The following MACROD2 variants were observed in gnomAD, a reference collection of about 807,000 sequenced individuals.
MACROD2 encodes mono-ADP ribosylhydrolase 2, also known as ADP-ribose glycohydrolase MACROD2.
In MACROD2, 36 loss-of-function variants were observed where a neutral mutation model predicts 70.4. The observed-to-expected ratio is 0.51, with a 90% CI of 0.39 to 0.68. The LOEUF (loss-of-function observed/expected upper bound fraction) is 0.68. Ranked by LOEUF, MACROD2 falls within the 30% of genes least tolerant of loss-of-function variation. MACROD2 has a pLI of 0.00. For synonymous variants in MACROD2, 172 were observed against 178.8 expected (o/e 0.96, Z 0.30); for missense variants, 496 against 538.4 (o/e 0.92, Z 0.78).
chr20:14,209,464 G>GA (rs995926099), intron 3 of MACROD2, among the ~76,000 whole-genome samples: 1 of 151,386 alleles, frequency 6.6e-6, no homozygotes, highest in Non-Finnish European at 1.5e-5. Context: ...AATGATGCTG[G>GA]AAAAAAAATA....
At chr20:15,653,215 CTCTT>C (rs774526340) in intron 8 of MACROD2, among the ~76,000 whole-genome samples, 3 of 152,320 alleles carry the variant, frequency 2.0e-5, no homozygotes, top group East Asian at 1.9e-4. Flanking sequence ...GATTAGCACT[CTCTT>C]TATTTGTGCA....
chr20:15,465,120 A>ATAT (rs1356219110), intron 7 of MACROD2, among the ~76,000 whole-genome samples: 2 of 152,220 alleles, frequency 1.3e-5, no homozygotes, highest in African/African-American at 4.8e-5. Context: ...TAGAGTCATA[A>ATAT]ATAAAGATAA....
intron 6 of MACROD2, among the ~76,000 whole-genome samples, chr20:15,279,791 C>G (rs2077426604): frequency 6.6e-6 from 1 of 151,922 alleles, no homozygotes; most frequent in Non-Finnish European, 1.5e-5. Context: ...TATGCCAGAC[C>G]CTATGCTAAG....
At chr20:15,934,936 G>A (rs1048204550) in intron 11 of MACROD2, among the ~76,000 whole-genome samples, 6 of 151,910 alleles carry the variant, frequency 3.9e-5, no homozygotes, top group African/African-American at 9.7e-5. Context: ...TGATCTGCCC[G>A]CCTAAGCCTC....
Position 14,789,942 on chromosome 20 carries a change from A to AT in MACROD2, c.418+104984dup, listed in dbSNP as rs537714801. On this transcript the variant is annotated intron_variant, in intron 5 of 17. Transcript: ENST00000684519. ...TGTAGTTTTGAAATAGGAAAACCATATAAAAATGAAATTTAGATTGCATTT... is the reference window on the plus strand; with the variant it reads ...TGTAGTTTTGAAATAGGAAAACCATATTAAAAATGAAATTTAGATTGCATTT... Among the ~76,000 whole-genome samples, 19 of 152,280 alleles carry AT rather than the reference A, an allele frequency of 1.2e-4. No homozygotes were observed. In the South Asian group the frequency reaches 3.9e-3, roughly 32 times the overall value.
At chr20:15,034,940 A>G (rs2075302255) in intron 5 of MACROD2, among the ~76,000 whole-genome samples, 1 of 152,182 alleles carries the variant, frequency 6.6e-6, no homozygotes, top group African/African-American at 2.4e-5. Flanking sequence ...CTTGTTTTAT[A>G]TCTTTAATTG....
At chr20:14,772,640 C>A (rs1455873370) in intron 5 of MACROD2, among the ~76,000 whole-genome samples, 1 of 152,026 alleles carries the variant, frequency 6.6e-6, no homozygotes, top group African/African-American at 2.4e-5. Flanking sequence ...ATGGGAGCTA[C>A]AAGATGAGAT....
chr20:14,748,534 C>T (rs2071829032), intron 5 of MACROD2, among the ~76,000 whole-genome samples: 1 of 151,918 alleles, frequency 6.6e-6, no homozygotes, highest in Non-Finnish European at 1.5e-5. Flanking sequence ...TAATGCATAC[C>T]TTTGACTATT....
chr20:14,284,185 GAT>G (rs140448388), intron 3 of MACROD2, among the ~76,000 whole-genome samples: 2,290 of 152,298 alleles, frequency 0.015, 23 homozygotes, highest in African/African-American at 0.027. Context: ...TGCTGTTACT[GAT>G]CAGGATAGGT....
chr20:15,727,308 TG>T (rs1200370869), intron 8 of MACROD2, among the ~76,000 whole-genome samples: 3 of 152,214 alleles, frequency 2.0e-5, no homozygotes, highest in Non-Finnish European at 2.9e-5. Context: ...GTTTCTATTT[TG>T]GTTCCAGTAC....
At chr20:16,030,950 T>C (rs117579755) in intron 15 of MACROD2, among the ~76,000 whole-genome samples, 2,500 of 152,282 alleles carry the variant, frequency 0.016, 35 homozygotes, top group Admixed American at 0.046. Context: ...AACACATCTT[T>C]GATAAGTTTA....
chr20:15,731,858 A>G (rs13040332), intron 8 of MACROD2, among the ~76,000 whole-genome samples: 1 of 55,760 alleles, frequency 1.8e-5, no homozygotes, highest in African/African-American at 5.1e-5. Flanking sequence ...TGGGTTCAAG[A>G]CATTCTCCTG....
chr20:15,858,865 C>T (rs1388608202), intron 8 of MACROD2, among the ~76,000 whole-genome samples: 1 of 152,112 alleles, frequency 6.6e-6, no homozygotes. Flanking sequence ...TCATAGGCTT[C>T]CCAGATTCAA....
At chr20:15,349,615 G>C (rs1253692588) in intron 6 of MACROD2, among the ~76,000 whole-genome samples, 2 of 151,988 alleles carry the variant, frequency 1.3e-5, no homozygotes, top group South Asian at 2.1e-4. Flanking sequence ...AATTAGCTGG[G>C]CATGGGGGCA....
intron 10 of MACROD2, among the ~76,000 whole-genome samples, chr20:15,896,092 T>C (rs1413043347): frequency 6.6e-6 from 1 of 152,246 alleles, no homozygotes; most frequent in Non-Finnish European, 1.5e-5. Context: ...GAGGGACAAA[T>C]TTTAATGCTG....
intron 8 of MACROD2, among the ~76,000 whole-genome samples, chr20:15,747,233 A>C (rs1470386963): frequency 1.3e-5 from 2 of 152,124 alleles, no homozygotes; most frequent in African/African-American, 4.8e-5. Flanking sequence ...AGGTACCAGG[A>C]CTAAGAATGC....
chr20:14,716,749 A>T (rs527832638), intron 5 of MACROD2, among the ~76,000 whole-genome samples: 1 of 152,168 alleles, frequency 6.6e-6, no homozygotes, highest in Admixed American at 6.5e-5. Context: ...TAATTGAAAC[A>T]GTATGATGTT....
chr20:14,870,606 T>C (rs910993748), intron 5 of MACROD2, among the ~76,000 whole-genome samples: 9 of 151,822 alleles, frequency 5.9e-5, no homozygotes, highest in Non-Finnish European at 1.0e-4. Flanking sequence ...CCAGGACCTA[T>C]TATTTTTTTT....
At chr20:14,070,804 G>C (rs1239951493) in intron 2 of MACROD2, among the ~76,000 whole-genome samples, 1 of 152,074 alleles carries the variant, frequency 6.6e-6, no homozygotes, top group Non-Finnish European at 1.5e-5. Context: ...TTCAATATGG[G>C]GGAAAGTAAG....
Sources: allele counts gnomAD v4.1 joint callset (sites outside exome capture counted in the v4.1 genomes callset), GRCh38; gene constraint gnomAD v4.1.1; transcripts MANE v1.5; gene names NCBI Gene and HGNC (gene_info 2026-07-23, HGNC 2026-07-21).